The following CALCR variants were observed in gnomAD, a reference collection of about 807,000 sequenced individuals.
CALCR encodes calcitonin receptor.
A neutral mutation model predicts 59.5 loss-of-function variants in CALCR; 47 were observed. That is an observed-to-expected ratio of 0.79 (90% CI 0.63 to 1.01). The LOEUF (loss-of-function observed/expected upper bound fraction) is 1.01. CALCR is among the 50% of genes least tolerant of loss of function. The pLI, the probability that CALCR is intolerant of heterozygous loss-of-function variation, is 0.00. For synonymous variants in CALCR, 213 were observed against 211.3 expected (o/e 1.01, Z -0.07); for missense variants, 566 against 597.1 (o/e 0.95, Z 0.54).
At chr7:93,509,135 C>G (rs1388462956) in intron 2 of CALCR, among the ~76,000 whole-genome samples, 1 of 151,988 alleles carries the variant, frequency 6.6e-6, no homozygotes, top group Non-Finnish European at 1.5e-5. Flanking sequence ...AAGCATGGTG[C>G]CATATTGGCT....
At chr7:93,473,152 A>G (rs1297130538) in intron 5 of CALCR, among the ~76,000 whole-genome samples, 1 of 151,824 alleles carries the variant, frequency 6.6e-6, no homozygotes, top group Non-Finnish European at 1.5e-5. Context: ...TTTTTAAAGT[A>G]TCTCATAGAT....
At chr7:93,555,708 A>T (rs1789583734) in intron 2 of CALCR, among the ~76,000 whole-genome samples, 1 of 152,154 alleles carries the variant, frequency 6.6e-6, no homozygotes, top group Non-Finnish European at 1.5e-5. Flanking sequence ...CACAGCACTG[A>T]GTTTATCATA....
At chr7:93,515,779 G>A (rs1004761393) in intron 2 of CALCR, among the ~76,000 whole-genome samples, 2 of 151,934 alleles carry the variant, frequency 1.3e-5, no homozygotes, top group Non-Finnish European at 2.9e-5. Context: ...AGAAAAATAT[G>A]GACATGGACA....
In CALCR at chr7:93,426,039, G is replaced by A. The variant is rs1483952441; in HGVS notation, c.*317C>T. On this transcript the variant is annotated 3_prime_UTR_variant, in exon 14 of 14. Coordinates refer to ENST00000426151, the MANE Select transcript of CALCR (RefSeq NM_001742.4). ...GTATAAATGGCTCAGTATTGACAAG[G>A]AGCACCCTGTATCTGAACTAGGTCA... The A allele has an allele frequency of 9.0e-6, 2 of 222,586 alleles. No individual in the cohort carries two copies. The highest frequency in any genetic ancestry group is 4.5e-5 in the African/African-American group (2 of 44,118). 13.8% of individuals were successfully genotyped at this position (222,586 alleles called of 1,614,324 possible).
intron 2 of CALCR, among the ~76,000 whole-genome samples, chr7:93,537,458 C>T (rs529411869): frequency 1.8e-4 from 27 of 151,840 alleles, no homozygotes; most frequent in African/African-American, 5.5e-4. Flanking sequence ...TCTTTCACTA[C>T]GTTGCATTAG....
intron 13 of CALCR, among the ~76,000 whole-genome samples, chr7:93,430,995 A>G (rs1232333113): frequency 6.6e-6 from 1 of 152,216 alleles, no homozygotes; most frequent in Non-Finnish European, 1.5e-5. Context: ...TTCTCTTTGC[A>G]TATGTTGTGA....
At chr7:93,526,414 T>A (rs1801878265) in intron 2 of CALCR, among the ~76,000 whole-genome samples, 1 of 151,734 alleles carries the variant, frequency 6.6e-6, no homozygotes, top group African/African-American at 2.4e-5. Context: ...AGGCAGAGAA[T>A]TACCAATACT....
chr7:93,513,943 C>T (rs1039326584), intron 2 of CALCR, among the ~76,000 whole-genome samples: 1 of 151,662 alleles, frequency 6.6e-6, no homozygotes, highest in Non-Finnish European at 1.5e-5. Flanking sequence ...TTTATTGTGA[C>T]CTGGGCCTGC....
At chr7:93,519,535 A>G (rs958839380) in intron 2 of CALCR, among the ~76,000 whole-genome samples, 6 of 152,224 alleles carry the variant, frequency 3.9e-5, no homozygotes, top group African/African-American at 1.4e-4. Context: ...GGCAGTCCTC[A>G]GCACATAGTA....
chr7:93,540,303 A>T (rs1789098020), intron 2 of CALCR, among the ~76,000 whole-genome samples: 1 of 152,206 alleles, frequency 6.6e-6, no homozygotes, highest in South Asian at 2.1e-4. Flanking sequence ...TGGCAGGTAA[A>T]TACATTGGCC....
chr7:93,549,603 T>C (rs1220370552), intron 2 of CALCR, among the ~76,000 whole-genome samples: 2 of 152,194 alleles, frequency 1.3e-5, no homozygotes, highest in African/African-American at 4.8e-5. Flanking sequence ...GTGGTTAAGG[T>C]ATCAAAAATG....
In CALCR at chr7:93,479,348, C is replaced by A; in HGVS notation, c.205+6G>T. On this transcript the variant is annotated splice_donor_region_variant and intron_variant, in intron 4 of 13. Coordinates refer to ENST00000426151, the MANE Select transcript of CALCR (RefSeq NM_001742.4). ...AACATATGTTCATATATATCCTTCTCTTTACCTTCTCCTTGGTATGCGGGT... is the reference window on the plus strand; with the variant it reads ...AACATATGTTCATATATATCCTTCTATTTACCTTCTCCTTGGTATGCGGGT... 1 of 1,604,970 alleles carries A rather than the reference C, an allele frequency of 6.2e-7. No homozygotes were observed. Among genetic ancestry groups the A allele is most frequent in the Middle Eastern group, 1.7e-4 (1 of 5,996 alleles).
chr7:93,486,799 T>C lies in CALCR; in HGVS notation c.51+132A>G, dbSNP rs1373373815. 39 of 680,832 alleles carry C rather than the reference T, an allele frequency of 5.7e-5. No individual in the cohort carries two copies. The East Asian group carries it at 1.1e-3, about 19-fold the overall frequency. 42.2% of individuals were successfully genotyped at this position (680,832 alleles called of 1,614,324 possible). On this transcript the variant is annotated intron_variant, in intron 3 of 13. Transcript: ENST00000426151. Reference sequence around the variant, plus strand: ...CAAAATATTAAGCAAAATAATGGCTTTGAGGAACTTAGTTTCGGCTTCTGG... The same window carrying C: ...CAAAATATTAAGCAAAATAATGGCTCTGAGGAACTTAGTTTCGGCTTCTGG...
chr7:93,459,931 G>A (rs7777084), intron 8 of CALCR, among the ~76,000 whole-genome samples: 60,950 of 152,014 alleles, frequency 0.4, 12,910 homozygotes, highest in South Asian at 0.49. Flanking sequence ...ATGTGGGCAT[G>A]AGTTTCAGAG....
chr7:93,448,771 G>C (rs1800053087), intron 8 of CALCR, among the ~76,000 whole-genome samples: 1 of 151,960 alleles, frequency 6.6e-6, no homozygotes, highest in Non-Finnish European at 1.5e-5. Flanking sequence ...AGCAGATTCT[G>C]CCAAAGTCAA....
chr7:93,548,839 A>AT (rs779816751), intron 2 of CALCR, among the ~76,000 whole-genome samples: 1 of 137,326 alleles, frequency 7.3e-6, no homozygotes, highest in Admixed American at 7.4e-5. Context: ...ATCCAGAAGA[A>AT]GTGTGTGTGT....
In CALCR at chr7:93,564,329, G is replaced by A. The variant is rs186988041; in HGVS notation, c.-27+9960C>T. Among the ~76,000 whole-genome samples, 63 of 152,202 alleles carry A rather than the reference G, an allele frequency of 4.1e-4. No individual in the cohort carries two copies. The East Asian group carries it at 5.8e-3, about 14-fold the overall frequency. ...CCAAGTGATAGATGACACTGGTCTG[G>A]CTACCTTAGAGGCAGTGGATATTAA... On this transcript the variant is annotated intron_variant, in intron 2 of 13. Coordinates refer to ENST00000426151, the MANE Select transcript of CALCR (RefSeq NM_001742.4).
At chr7:93,453,874 A>T (rs924449887) in intron 8 of CALCR, among the ~76,000 whole-genome samples, 1 of 152,050 alleles carries the variant, frequency 6.6e-6, no homozygotes, top group South Asian at 2.1e-4. Flanking sequence ...TTTCTGCACC[A>T]TGTGACCTTG....
At chr7:93,455,507 A>C (rs1003465773) in intron 8 of CALCR, among the ~76,000 whole-genome samples, 2 of 151,872 alleles carry the variant, frequency 1.3e-5, no homozygotes, top group African/African-American at 4.8e-5. Context: ...TCAGTTTTTC[A>C]AGAAAAATTC....
Sources: gnomAD v4.1 joint callset for allele counts (sites outside exome capture counted in the v4.1 genomes callset) on GRCh38, gnomAD v4.1.1 for gene constraint, MANE v1.5 for transcripts, NCBI Gene and HGNC (gene_info 2026-07-23, HGNC 2026-07-21) for gene names.